FKBP15: variants seen among roughly 807,000 people sequenced by gnomAD.
FKBP15 encodes FKBP prolyl isomerase family member 15, also known as FK506-binding protein 15.
A neutral mutation model predicts 158.1 loss-of-function variants in FKBP15; 106 were observed. The observed-to-expected ratio is 0.67, with a 90% CI of 0.57 to 0.79. FKBP15 has a LOEUF of 0.79. FKBP15 is among the 30% of genes least tolerant of loss of function. The pLI is 0.00. For synonymous variants in FKBP15, 547 were observed against 548.6 expected (o/e 1.00, Z 0.04); for missense variants, 1,287 against 1,479.1 (o/e 0.87, Z 2.13).
intron 11 of FKBP15, among the ~76,000 whole-genome samples, chr9:113,191,631 TTA>T (rs947402793): frequency 5.4e-5 from 8 of 147,494 alleles, no homozygotes; most frequent in East Asian, 2.0e-4. Flanking sequence ...AGATTCTGCA[TTA>T]TATATATATA....
At position 113,168,479 on chromosome 9, in the gene FKBP15, T is replaced by TCCA. The variant is rs1254711191; in HGVS notation, c.3562_3563insTGG (p.Glu1187_Glu1188insVal). The TCCA allele has an allele frequency of 5.6e-6, 9 of 1,613,834 alleles. No homozygotes were observed. Among genetic ancestry groups the TCCA allele is most frequent in the African/African-American group, 1.3e-5 (1 of 74,906 alleles). On this transcript the variant is annotated inframe_insertion, in exon 27 of 28. Transcript: ENST00000238256. ...CCTTACCACCTCGTCTTCATCCTCC[T>TCCA]CCTCAGGCTGTGCTTTGGGCCTCAG...
intron 11 of FKBP15, among the ~76,000 whole-genome samples, chr9:113,190,817 A>G (rs181456793): frequency 6.9e-4 from 105 of 152,300 alleles, no homozygotes; most frequent in Non-Finnish European, 1.1e-3. Context: ...TTTCACATAC[A>G]TTGCCTCATT....
chr9:113,187,493 C>T (rs1234455520), intron 14 of FKBP15: 3 of 300,394 alleles, frequency 1.0e-5, no homozygotes, highest in South Asian at 3.7e-5. Context: ...CAGAAGAACG[C>T]GAATATACAC....
chr9:113,162,671 C>A lies in FKBP15; in HGVS notation c.*3407G>T. On this transcript the variant is annotated 3_prime_UTR_variant, in exon 28 of 28. Transcript: ENST00000238256. ...TCGGGTCACGTAACTCAACAGCTTT[C>A]TACTCCCTGATATCTACTCCCAGCT... The A allele has an allele frequency of 7.4e-7, 1 of 1,353,474 alleles. No individual in the cohort carries two copies. The highest frequency in any genetic ancestry group is 1.3e-5 in the South Asian group (1 of 75,006). 83.8% of individuals were successfully genotyped at this position (1,353,474 alleles called of 1,614,324 possible).
At chr9:113,187,169 A>AT (rs1830499610) in intron 14 of FKBP15, 1 of 152,594 alleles carries the variant, frequency 6.6e-6, no homozygotes, top group Non-Finnish European at 1.5e-5. Flanking sequence ...GAGACTCCCC[A>AT]TGTTAATGAG....
chr9:113,162,569 C>T lies in FKBP15; in HGVS notation c.*3509G>A, dbSNP rs565631069. ...GATATGTCTCTTTAAAAATAAATCTCGAGTTTTTTCTGGGGGCGGGGGTGG... is the reference window on the plus strand; with the variant it reads ...GATATGTCTCTTTAAAAATAAATCTTGAGTTTTTTCTGGGGGCGGGGGTGG... On this transcript the variant is annotated 3_prime_UTR_variant, in exon 28 of 28. Coordinates refer to ENST00000238256, the MANE Select transcript of FKBP15 (RefSeq NM_015258.2). 3.7e-5 allele frequency: 17 copies of T among 463,364 alleles called. 1 individual carries two copies. Among genetic ancestry groups the T allele is most frequent in the African/African-American group, 2.0e-4 (7 of 34,280 alleles). 28.7% of individuals were successfully genotyped at this position (463,364 alleles called of 1,614,324 possible).
intron 21 of FKBP15, among the ~76,000 whole-genome samples, chr9:113,175,871 G>A (rs1830290680): frequency 6.6e-6 from 1 of 152,216 alleles, no homozygotes; most frequent in Non-Finnish European, 1.5e-5. Context: ...TATATGTAGA[G>A]TGGGGAAGAA....
intron 27 of FKBP15, among the ~76,000 whole-genome samples, chr9:113,166,707 G>A (rs545775449): frequency 4.0e-4 from 61 of 152,250 alleles, no homozygotes; most frequent in African/African-American, 1.3e-3. Flanking sequence ...TGAAGAACAC[G>A]GGGCCACAGC....
chr9:113,189,802 A>G (rs1165650019), intron 12 of FKBP15, among the ~76,000 whole-genome samples: 1 of 152,232 alleles, frequency 6.6e-6, no homozygotes. Flanking sequence ...CCACTAGAGA[A>G]GAATTAAGTT....
At chr9:113,176,440 A>G in intron 21 of FKBP15, 97 bp downstream of exon 21, 12 of 1,328,814 alleles carry the variant, frequency 9.0e-6, no homozygotes, top group Admixed American at 2.9e-5. Flanking sequence ...TATTATTTGT[A>G]TTTGTTACAA....
At chr9:113,176,412 TA>T in intron 21 of FKBP15, 124 bp downstream of exon 21, 1 of 1,195,068 alleles carries the variant, frequency 8.4e-7, no homozygotes, top group Non-Finnish European at 1.1e-6. Context: ...AATTTTTTTT[TA>T]ATTTTACACT....
chr9:113,196,805 T>C, intron 9 of FKBP15, 127 bp downstream of exon 9: 2 of 1,226,464 alleles, frequency 1.6e-6, no homozygotes, highest in Non-Finnish European at 2.2e-6. Context: ...CCATTTCTAA[T>C]TTTTCAAAGA....
In FKBP15 at chr9:113,174,586, T is replaced by TA. The variant is rs1424792034; in HGVS notation, c.2224-4dup. The TA allele has an allele frequency of 2.5e-6, 4 of 1,613,578 alleles. No individual in the cohort carries two copies. In the Admixed American group the frequency reaches 5.0e-5, roughly 20 times the overall value. ...TTCTTTTTCCTTTCTGAGAGGTTCT[T>TA]AGGAACAAGAGAACCATCATCAGCT... On this transcript the variant is annotated splice_polypyrimidine_tract_variant and splice_region_variant and intron_variant, in intron 21 of 27. Transcript: ENST00000238256.
chr9:113,194,939 G>C (rs550047056), intron 9 of FKBP15, among the ~76,000 whole-genome samples: 14 of 152,124 alleles, frequency 9.2e-5, no homozygotes, highest in Non-Finnish European at 1.3e-4. Context: ...ATGCTTCCAT[G>C]AATAGCTTTG....
chr9:113,176,745 T>A, intron 20 of FKBP15, 72 bp from the exon 21 acceptor site: 1 of 1,496,598 alleles, frequency 6.7e-7, no homozygotes, highest in Non-Finnish European at 9.0e-7. Flanking sequence ...TCCCAGCAGC[T>A]CTTTTTTTAA....
chr9:113,199,506 T>A, intron 7 of FKBP15, among the ~76,000 whole-genome samples: 1 of 152,166 alleles, frequency 6.6e-6, no homozygotes, highest in East Asian at 1.9e-4. Context: ...CTTAATCCCA[T>A]AAGAATATAT....
Position 113,161,831 on chromosome 9 carries a change from T to C in FKBP15, c.*4247A>G, listed in dbSNP as rs1564139245. 2 of 969,382 alleles carry C rather than the reference T, an allele frequency of 2.1e-6. No individual in the cohort carries two copies. The highest frequency in any genetic ancestry group is 2.0e-5 in the Admixed American group (1 of 51,074). The allele number at this position is 969,382 out of a possible 1,614,324, so 60.0% of individuals were successfully genotyped here. A position where few individuals can be genotyped will look rare whatever the true frequency, so the allele number is the denominator to read the frequency against. ...AGGGAAGGACCAGGACTTGCCAAAG[T>C]GGCTACACATAGCCAAGTGAACTAG... On this transcript the variant is annotated 3_prime_UTR_variant, in exon 28 of 28. Coordinates refer to ENST00000238256, the MANE Select transcript of FKBP15 (RefSeq NM_015258.2).
intron 25 of FKBP15, 94 bp downstream of exon 25, chr9:113,170,428 G>A: frequency 2.1e-6 from 2 of 945,336 alleles, no homozygotes; most frequent in Admixed American, 3.9e-5. Flanking sequence ...CACTGTGCCA[G>A]CTTTGAACAA....
chr9:113,206,615 C>T, intron 3 of FKBP15, 37 bp from the exon 4 acceptor site: 1 of 1,518,566 alleles, frequency 6.6e-7, no homozygotes, highest in Non-Finnish European at 9.1e-7. Context: ...ATTAATACTT[C>T]CCTAAATTCT....
Sources: gnomAD v4.1 joint callset for allele counts (sites outside exome capture counted in the v4.1 genomes callset) on GRCh38, gnomAD v4.1.1 for gene constraint, MANE v1.5 for transcripts, NCBI Gene and HGNC (gene_info 2026-07-23, HGNC 2026-07-21) for gene names.